The following THSD4 variants were observed in gnomAD, a reference collection of about 807,000 sequenced individuals.
THSD4 encodes the protein thrombospondin type 1 domain containing 4, also known as thrombospondin type-1 domain-containing protein 4.
A neutral mutation model predicts 119.0 loss-of-function variants in THSD4; 69 were observed. That is an observed-to-expected ratio of 0.58 (90% CI 0.48 to 0.71). THSD4 has a LOEUF of 0.71. Ranked by LOEUF, THSD4 falls within the 30% of genes least tolerant of loss-of-function variation. The pLI is 0.00. For missense variants in THSD4, 1,393 were observed against 1,391.1 expected (o/e 1.00, Z -0.02); for synonymous variants, 524 against 540.4 (o/e 0.97, Z 0.42).
At chr15:71,478,095 A>C (rs890650481) in intron 7 of THSD4, among the ~76,000 whole-genome samples, 1 of 152,198 alleles carries the variant, frequency 6.6e-6, no homozygotes, top group Non-Finnish European at 1.5e-5. Flanking sequence ...ACAGCATCTT[A>C]ATGAGAACCT....
intron 17 of THSD4, among the ~76,000 whole-genome samples, chr15:71,773,616 T>G (rs1294550504): frequency 1.3e-5 from 2 of 152,190 alleles, no homozygotes; most frequent in African/African-American, 2.4e-5. Flanking sequence ...GCCTCAAAAT[T>G]ATACCTGTCA....
intron 8 of THSD4, among the ~76,000 whole-genome samples, chr15:71,689,579 C>T (rs749318135): frequency 6.6e-6 from 1 of 152,204 alleles, no homozygotes; most frequent in Admixed American, 6.5e-5. Flanking sequence ...CCAGGCTTCA[C>T]GCCTAACCAG....
At chr15:71,251,726 C>T (rs1283331756) in intron 5 of THSD4, among the ~76,000 whole-genome samples, 1 of 152,122 alleles carries the variant, frequency 6.6e-6, no homozygotes, top group East Asian at 1.9e-4. Flanking sequence ...TGCTGTCCGT[C>T]TCCTGGGGAG....
intron 5 of THSD4, among the ~76,000 whole-genome samples, chr15:71,253,731 TATTAC>T (rs2044284681): frequency 6.6e-6 from 1 of 152,186 alleles, no homozygotes; most frequent in Non-Finnish European, 1.5e-5. Context: ...ATTACATAAA[TATTAC>T]ATGTTTATTG....
At chr15:71,494,195 G>A (rs1251576808) in intron 7 of THSD4, among the ~76,000 whole-genome samples, 1 of 152,158 alleles carries the variant, frequency 6.6e-6, no homozygotes, top group Non-Finnish European at 1.5e-5. Flanking sequence ...TTTTCCATTT[G>A]CACTTATTGT....
chr15:71,479,770 G>A (rs2047702794), intron 7 of THSD4, among the ~76,000 whole-genome samples: 1 of 152,070 alleles, frequency 6.6e-6, no homozygotes, highest in Admixed American at 6.5e-5. Context: ...AGTGATACCT[G>A]GCAGCTTACA....
intron 6 of THSD4, among the ~76,000 whole-genome samples, chr15:71,308,553 G>A (rs2045066065): frequency 6.6e-6 from 1 of 152,168 alleles, no homozygotes; most frequent in Admixed American, 6.5e-5. Context: ...ACATTGTGCA[G>A]TTCAGTGGCC....
chr15:71,154,912 C>T lies in THSD4; in HGVS notation c.79C>T (p.Pro27Ser). ...LLGFQFVCPQ[P>S]STQHRKVPQR... ...TGGATTCCAGTTCGTCTGCCCACAGCCCTCCACTCAACACAGGAAGGTAAG... is the reference window on the plus strand; with the variant it reads ...TGGATTCCAGTTCGTCTGCCCACAGTCCTCCACTCAACACAGGAAGGTAAG... The change falls in exon 3 of 18, where the codon CCC becomes TCC. Residue 27 changes from proline (P) to serine (S), a missense_variant. Transcript: ENST00000261862. The T allele has an allele frequency of 1.2e-6, 2 of 1,614,168 alleles. No homozygotes were observed. Among genetic ancestry groups the T allele is most frequent in the Non-Finnish European group, 1.7e-6 (2 of 1,180,040 alleles).
intron 15 of THSD4, among the ~76,000 whole-genome samples, chr15:71,764,608 C>T (rs1319934879): frequency 6.6e-6 from 1 of 152,208 alleles, no homozygotes; most frequent in African/African-American, 2.4e-5. Context: ...TCACAGTATC[C>T]ACCTCCTAAG....
At chr15:71,327,950 C>T (rs2045368524) in intron 6 of THSD4, among the ~76,000 whole-genome samples, 1 of 152,194 alleles carries the variant, frequency 6.6e-6, no homozygotes, top group Non-Finnish European at 1.5e-5. Flanking sequence ...TTCAATTAAA[C>T]ATACTGTAGC....
At position 71,158,148 on chromosome 15, in the gene THSD4, C is replaced by CTTTTTTT. The variant is rs1193131967; in HGVS notation, c.99+3233_99+3239dup. 1.8e-3 allele frequency among the ~76,000 whole-genome samples: 157 copies of CTTTTTTT among 85,020 alleles called. 2 individuals are homozygous for CTTTTTTT. Among genetic ancestry groups the CTTTTTTT allele is most frequent in the East Asian group, 2.9e-3 (7 of 2,452 alleles). The allele number at this position is 85,020 out of a possible 152,430, so 55.8% of individuals were successfully genotyped here. On this transcript the variant is annotated intron_variant, in intron 3 of 17. Coordinates refer to ENST00000261862, the MANE Select transcript of THSD4 (RefSeq NM_024817.3). ...CTTCCACATCCTTACCAACACTTATCTTTTTTTTTTTTTTTTTTTTTTTGA... is the reference window on the plus strand; with the variant it reads ...CTTCCACATCCTTACCAACACTTATCTTTTTTTTTTTTTTTTTTTTTTTTTTTTTTGA...
intron 7 of THSD4, among the ~76,000 whole-genome samples, chr15:71,530,804 G>A (rs1344616881): frequency 4.0e-5 from 6 of 149,856 alleles, no homozygotes; most frequent in East Asian, 2.0e-4. Context: ...CCAAGCCCCC[G>A]AAAAAAAAAA....
At chr15:71,128,957 T>C (rs187446535) in intron 1 of THSD4, among the ~76,000 whole-genome samples, 11 of 152,220 alleles carry the variant, frequency 7.2e-5, no homozygotes, top group Admixed American at 5.9e-4. Context: ...ATCTGGATGA[T>C]GGTTTAGATG....
intron 8 of THSD4, among the ~76,000 whole-genome samples, chr15:71,672,394 G>A (rs1212072364): frequency 2.6e-5 from 4 of 152,164 alleles, no homozygotes; most frequent in South Asian, 2.1e-4. Flanking sequence ...GGGCTGAGAC[G>A]ATGGGGTTTT....
intron 8 of THSD4, among the ~76,000 whole-genome samples, chr15:71,727,531 TAAAAA>T (rs368424121): frequency 0.033 from 519 of 15,630 alleles, 23 homozygotes; most frequent in African/African-American, 0.11. Flanking sequence ...CCCCATCTCT[TAAAAA>T]AAAAAAAAAA....
At chr15:71,605,148 A>G (rs999856433) in intron 7 of THSD4, among the ~76,000 whole-genome samples, 2 of 152,216 alleles carry the variant, frequency 1.3e-5, no homozygotes, top group Non-Finnish European at 2.9e-5. Flanking sequence ...GACCAGCGTC[A>G]CTGGAACAGA....
chr15:71,138,981 C>CCCA (rs879872132), intron 1 of THSD4, among the ~76,000 whole-genome samples: 86 of 150,038 alleles, frequency 5.7e-4, no homozygotes, highest in African/African-American at 2.0e-3. Flanking sequence ...CCCTCCCCCC[C>CCCA]CCATTTTACA....
intron 6 of THSD4, among the ~76,000 whole-genome samples, chr15:71,314,201 A>T (rs887073110): frequency 2.0e-5 from 3 of 151,220 alleles, no homozygotes; most frequent in Non-Finnish European, 4.4e-5. Flanking sequence ...TTATATCTTG[A>T]TTTTTTTTTC....
At chr15:71,384,823 A>G (rs1357436947) in intron 6 of THSD4, among the ~76,000 whole-genome samples, 1 of 152,230 alleles carries the variant, frequency 6.6e-6, no homozygotes, top group East Asian at 1.9e-4. Context: ...ATACATGTAA[A>G]GGTAGACATG....
Sources: gnomAD v4.1 joint callset for allele counts (sites outside exome capture counted in the v4.1 genomes callset) on GRCh38, gnomAD v4.1.1 for gene constraint, MANE v1.5 for transcripts, NCBI Gene and HGNC (gene_info 2026-07-23, HGNC 2026-07-21) for gene names.